The following PIP5K1B variants were observed in gnomAD, a reference collection of about 807,000 sequenced individuals.
PIP5K1B encodes the protein phosphatidylinositol 4-phosphate 5-kinase type-1 beta.
Under a neutral mutation model 67.0 loss-of-function variants are expected in PIP5K1B, and 42 were observed. The observed-to-expected ratio is 0.63, with a 90% CI of 0.49 to 0.81. The LOEUF (loss-of-function observed/expected upper bound fraction) is 0.81. Among genes scored for constraint, PIP5K1B ranks in the 30% least tolerant of loss-of-function variants. The probability of loss-of-function intolerance (pLI) is 0.00; values close to 1 mark genes in which losing one functional copy is unlikely to be tolerated. For synonymous variants in PIP5K1B, 214 were observed against 231.4 expected (o/e 0.92, Z 0.68); for missense variants, 459 against 646.3 (o/e 0.71, Z 3.14).
chr9:68,807,004 C>T (rs890071510), intron 2 of PIP5K1B, among the ~76,000 whole-genome samples: 2 of 148,016 alleles, frequency 1.4e-5, no homozygotes, highest in African/African-American at 5.0e-5. Context: ...TCCATATAAG[C>T]TCTCTGACTG....
chr9:68,977,996 T>G (rs897613186), intron 14 of PIP5K1B, among the ~76,000 whole-genome samples: 3 of 152,272 alleles, frequency 2.0e-5, no homozygotes, highest in African/African-American at 7.2e-5. Flanking sequence ...CCTCAACTTT[T>G]GGGGGTTTTT....
intron 1 of PIP5K1B, among the ~76,000 whole-genome samples, chr9:68,735,285 T>C (rs1828669523): frequency 6.7e-6 from 1 of 150,326 alleles, no homozygotes; most frequent in African/African-American, 2.4e-5. Context: ...CTGTTAATAC[T>C]TTATTCAGAT....
chr9:68,887,200 T>A (rs1220466195), intron 6 of PIP5K1B, among the ~76,000 whole-genome samples: 1 of 152,226 alleles, frequency 6.6e-6, no homozygotes, highest in East Asian at 1.9e-4. Context: ...CTTACCACTT[T>A]CTGATGTGTA....
chr9:68,765,781 T>C (rs1485218444), intron 2 of PIP5K1B, among the ~76,000 whole-genome samples: 2 of 152,184 alleles, frequency 1.3e-5, no homozygotes, highest in Non-Finnish European at 2.9e-5. Context: ...AGAAGAATGA[T>C]CATACCAAGG....
At chr9:68,788,237 G>A (rs1298092351) in intron 2 of PIP5K1B, 1 of 415,020 alleles carries the variant, frequency 2.4e-6, no homozygotes, top group Non-Finnish European at 4.4e-6. Flanking sequence ...TAGGAGACAG[G>A]CCGATACTTT....
intron 2 of PIP5K1B, chr9:68,780,072 C>CGGT: frequency 1.4e-6 from 2 of 1,424,206 alleles, no homozygotes; most frequent in Non-Finnish European, 1.8e-6. Flanking sequence ...GACAGATTCT[C>CGGT]GGTGGCGGCG....
intron 2 of PIP5K1B, among the ~76,000 whole-genome samples, chr9:68,795,517 C>T (rs1832242564): frequency 6.6e-6 from 1 of 152,134 alleles, no homozygotes; most frequent in African/African-American, 2.4e-5. Flanking sequence ...TTTCCTAATA[C>T]CAGTTGACTG....
chr9:68,749,230 T>G (rs1434974112), intron 2 of PIP5K1B, among the ~76,000 whole-genome samples: 1 of 152,184 alleles, frequency 6.6e-6, no homozygotes, highest in African/African-American at 2.4e-5. Flanking sequence ...CCTAAATATT[T>G]TACAAGCATC....
chr9:68,730,028 A>G (rs1295147161), intron 1 of PIP5K1B, among the ~76,000 whole-genome samples: 3 of 152,192 alleles, frequency 2.0e-5, no homozygotes, highest in Admixed American at 6.5e-5. Context: ...TAAACAAACC[A>G]TAATAATTCA....
intron 5 of PIP5K1B, among the ~76,000 whole-genome samples, chr9:68,875,295 C>CAAAAAAAAAAAAAA (rs147022066): frequency 2.2e-5 from 1 of 44,844 alleles, no homozygotes; most frequent in African/African-American, 9.8e-5. Context: ...TGGTACTCAG[C>CAAAAAAAAAAAAAA]AAAAAAAAAA....
intron 14 of PIP5K1B, among the ~76,000 whole-genome samples, chr9:68,960,709 C>G (rs576908987): frequency 1.3e-5 from 2 of 152,274 alleles, no homozygotes; most frequent in South Asian, 4.1e-4. Context: ...TAATTTCTTC[C>G]TTTAGTATCC....
intron 12 of PIP5K1B, among the ~76,000 whole-genome samples, chr9:68,925,052 A>T (rs1236500449): frequency 6.6e-6 from 1 of 152,090 alleles, no homozygotes; most frequent in African/African-American, 2.4e-5. Context: ...TATATTTTTC[A>T]TATCATTGTA....
intron 2 of PIP5K1B, chr9:68,789,420 G>T: frequency 2.1e-6 from 1 of 465,418 alleles, no homozygotes; most frequent in South Asian, 1.7e-5. Context: ...CCACTACTCA[G>T]TGAAGAAACT....
chr9:68,855,047 T>G (rs1020140708), intron 4 of PIP5K1B, among the ~76,000 whole-genome samples: 1 of 152,208 alleles, frequency 6.6e-6, no homozygotes, highest in Admixed American at 6.5e-5. Context: ...CAGATTTAGG[T>G]TTATATATGA....
intron 2 of PIP5K1B, chr9:68,788,982 C>T: frequency 2.9e-6 from 1 of 340,542 alleles, no homozygotes; most frequent in Non-Finnish European, 5.7e-6. Context: ...TATCATCCAA[C>T]CACCTGGGGT....
chr9:68,708,544 C>CCCG (rs918118297), intron 1 of PIP5K1B, among the ~76,000 whole-genome samples: 1 of 146,662 alleles, frequency 6.8e-6, no homozygotes. Flanking sequence ...GTTTGCCGCC[C>CCCG]CCCCGCCCCT....
intron 14 of PIP5K1B, among the ~76,000 whole-genome samples, chr9:68,961,956 A>C (rs1828770664): frequency 6.6e-6 from 1 of 152,108 alleles, no homozygotes; most frequent in African/African-American, 2.4e-5. Flanking sequence ...GCCTCCTCTT[A>C]CCCCGACACA....
intron 2 of PIP5K1B, among the ~76,000 whole-genome samples, chr9:68,798,075 TC>T (rs61209222): frequency 0.031 from 4,665 of 152,280 alleles, 216 homozygotes; most frequent in African/African-American, 0.098. Flanking sequence ...CCCGTGGAGT[TC>T]CACTTGATAG....
At chr9:68,833,985 T>C (rs752969588) in intron 4 of PIP5K1B, among the ~76,000 whole-genome samples, 2 of 152,192 alleles carry the variant, frequency 1.3e-5, no homozygotes, top group African/African-American at 2.4e-5. Flanking sequence ...TGCATAGGCA[T>C]TGGTGAAATA....
Sources: gnomAD v4.1 joint callset for allele counts (sites outside exome capture counted in the v4.1 genomes callset) on GRCh38, gnomAD v4.1.1 for gene constraint, MANE v1.5 for transcripts, NCBI Gene and HGNC (gene_info 2026-07-23, HGNC 2026-07-21) for gene names.